The following ADIPOR1 variants were observed in gnomAD, a reference collection of about 807,000 sequenced individuals.
The protein encoded by ADIPOR1 is adiponectin receptor 1.
Under a neutral mutation model 37.5 loss-of-function variants are expected in ADIPOR1, and 15 were observed. The ratio of observed to expected loss-of-function variants is 0.40; its 90% confidence interval spans 0.27 to 0.62. The LOEUF (loss-of-function observed/expected upper bound fraction) is 0.62, where lower values mean the gene tolerates loss of function less well. Among genes scored for constraint, ADIPOR1 ranks in the 20% least tolerant of loss-of-function variants. The pLI, the probability that ADIPOR1 is intolerant of heterozygous loss-of-function variation, is 0.42. For missense variants in ADIPOR1, 286 were observed against 478.0 expected (o/e 0.60, Z 3.75); for synonymous variants, 173 against 173.2 (o/e 1.00, Z 0.01).
Position 202,948,366 on chromosome 1 carries a change from C to T in ADIPOR1, c.196G>A (p.Val66Ile). 6.2e-7 allele frequency: 1 copy of T among 1,613,950 alleles called. No homozygotes were observed. Among genetic ancestry groups the T allele is most frequent in the Non-Finnish European group, 8.5e-7 (1 of 1,179,946 alleles). ...VPQEEEEEVR[V>I]LTLPLQAHHA... ...TGGGCTTGCAGGGGAAGTGTCAGTA[C>T]CCGCACCTCCTCCTCTTCTTCCTGG... is the stretch of plus-strand genomic sequence containing the variant. Residue 66 changes from valine to isoleucine, a missense_variant, in exon 3 of 8, where the codon GTA becomes ATA. By Grantham distance (29) the Val-to-Ile change is conservative. Transcript: ENST00000340990.
chr1:202,949,811 T>C (rs1220905101), intron 2 of ADIPOR1, among the ~76,000 whole-genome samples: 1 of 152,156 alleles, frequency 6.6e-6, no homozygotes, highest in Non-Finnish European at 1.5e-5. Context: ...TTCTCTCTCT[T>C]CCTAAGTAAC....
At chr1:202,943,583 G>T (rs1230266768) in intron 6 of ADIPOR1, among the ~76,000 whole-genome samples, 175 bp downstream of exon 6, 1 of 152,186 alleles carries the variant, frequency 6.6e-6, no homozygotes, top group African/African-American at 2.4e-5. Flanking sequence ...GAAATAGTAT[G>T]ACACTGGGGG....
intron 1 of ADIPOR1, among the ~76,000 whole-genome samples, chr1:202,952,814 A>C (rs1654632321): frequency 6.6e-6 from 1 of 152,200 alleles, no homozygotes; most frequent in Admixed American, 6.5e-5. Context: ...TATGTATCCT[A>C]TTGGTGCTTT....
chr1:202,953,486 A>AAATG (rs752073538), intron 1 of ADIPOR1, among the ~76,000 whole-genome samples: 1 of 152,192 alleles, frequency 6.6e-6, no homozygotes, highest in Non-Finnish European at 1.5e-5. Context: ...ACCCATTTCA[A>AAATG]AATGAATGAA....
At position 202,951,119 on chromosome 1, in the gene ADIPOR1, G is replaced by A. The variant is rs766933859; in HGVS notation, c.-49C>T. ...CAGCTTCAGCTTGGGGAAAGGTTGG[G>A]GTCTCTCAGCCCCAGGGGGCAGAGA... On this transcript the variant is annotated 5_prime_UTR_variant, in exon 2 of 8. Coordinates refer to ENST00000340990, the MANE Select transcript of ADIPOR1 (RefSeq NM_015999.6). The A allele has an allele frequency of 2.5e-5, 41 of 1,610,610 alleles. No homozygotes were observed. Among genetic ancestry groups the A allele is most frequent in the Non-Finnish European group, 3.4e-5 (40 of 1,177,528 alleles).
rs900744113 is a variant in ADIPOR1 at position 202,943,126 on chromosome 1, C to G, written c.805+632G>C. ...CAAGTGATCCGCCTGCCTCGGCCCC[C>G]CAAAGTGCTGGGATTACAGGCGTGA... is the stretch of plus-strand genomic sequence containing the variant. On this transcript the variant is annotated intron_variant, in intron 6 of 7. Coordinates refer to ENST00000340990, the MANE Select transcript of ADIPOR1 (RefSeq NM_015999.6). 5.3e-5 allele frequency among the ~76,000 whole-genome samples: 8 copies of G among 152,294 alleles called. No homozygotes were observed. In the East Asian group the frequency reaches 9.6e-4, roughly 18 times the overall value.
At position 202,946,427 on chromosome 1, in the gene ADIPOR1, C is replaced by T. The variant is rs2275735; in HGVS notation, c.430+12G>A. The T allele has an allele frequency of 0.044, 71,129 of 1,613,514 alleles. 2,054 individuals are homozygous for T. The highest frequency in any genetic ancestry group is 0.11 in the East Asian group (5,078 of 44,832). ...ACAACAAATTCCACCTTTCCCCATC[C>T]AAATCACTCACCAAGCAGATGGGTC... On this transcript the variant is annotated intron_variant, in intron 4 of 7. Coordinates refer to ENST00000340990, the MANE Select transcript of ADIPOR1 (RefSeq NM_015999.6).
chr1:202,945,215 G>A, intron 4 of ADIPOR1, 46 bp from the exon 5 acceptor site: 2 of 1,494,526 alleles, frequency 1.3e-6, no homozygotes, highest in Non-Finnish European at 1.8e-6. Context: ...AAAAGGGAAT[G>A]TGTACACTTT....
chr1:202,947,606 A>C (rs1654387696), intron 3 of ADIPOR1, among the ~76,000 whole-genome samples: 1 of 152,158 alleles, frequency 6.6e-6, no homozygotes, highest in African/African-American at 2.4e-5. Flanking sequence ...AAAAAATTAT[A>C]AACGTTGTTT....
Position 202,951,139 on chromosome 1 carries a change from C to CTG in ADIPOR1, c.-70_-69insCA. ...GTTGGGGTCTCTCAGCCCCAGGGGG[C>CTG]AGAGATCTCCCTCTGATGGTAGACA... On this transcript the variant is annotated 5_prime_UTR_variant, in exon 2 of 8. Coordinates refer to ENST00000340990, the MANE Select transcript of ADIPOR1 (RefSeq NM_015999.6). The CTG allele has an allele frequency of 6.3e-7, 1 of 1,587,184 alleles. No individual in the cohort carries two copies. Among genetic ancestry groups the CTG allele is most frequent in the Non-Finnish European group, 8.6e-7 (1 of 1,160,098 alleles).
chr1:202,945,909 GTACAATGTACAC>G (rs1202919114), intron 4 of ADIPOR1, among the ~76,000 whole-genome samples: 1 of 151,764 alleles, frequency 6.6e-6, no homozygotes, highest in Non-Finnish European at 1.5e-5. Context: ...TACATATTGA[GTACAATGTACAC>G]TACTAAGGTG....
chr1:202,950,520 C>CT (rs1184901675), intron 2 of ADIPOR1, among the ~76,000 whole-genome samples: 2 of 152,046 alleles, frequency 1.3e-5, no homozygotes, highest in African/African-American at 4.8e-5. Flanking sequence ...ACACAGGTGC[C>CT]TGACAGTGGT....
At chr1:202,949,043 G>A (rs1357942378) in intron 2 of ADIPOR1, among the ~76,000 whole-genome samples, 6 of 151,290 alleles carry the variant, frequency 4.0e-5, no homozygotes, top group African/African-American at 7.3e-5. Flanking sequence ...CTCCTGCCTC[G>A]GCCTCCCAAA....
At chr1:202,949,591 A>AC (rs1654481534) in intron 2 of ADIPOR1, among the ~76,000 whole-genome samples, 2 of 150,726 alleles carry the variant, frequency 1.3e-5, no homozygotes, top group South Asian at 2.1e-4. Flanking sequence ...AAAAAAAAAA[A>AC]AAAAAACACA....
rs774501457 is a variant in ADIPOR1 at position 202,951,076 on chromosome 1, TG to T, written c.-7del. 1.9e-6 allele frequency: 3 copies of T among 1,614,126 alleles called. No homozygotes were observed. The Admixed American group carries it at 5.0e-5, about 27-fold the overall frequency. On this transcript the variant is annotated 5_prime_UTR_variant, in exon 2 of 8. Coordinates refer to ENST00000340990, the MANE Select transcript of ADIPOR1 (RefSeq NM_015999.6). ...GATCCTTTGTGGGAAGACATCTGGC[TG>T]GTACCTCAATACCCTGCAGCTTCAG...
intron 6 of ADIPOR1, 51 bp downstream of exon 6, chr1:202,943,707 C>T (rs1654191054): frequency 6.4e-7 from 1 of 1,563,472 alleles, no homozygotes; most frequent in South Asian, 1.2e-5. Context: ...TTGAGCCTAT[C>T]AGGCCTAAGG....
Position 202,946,488 on chromosome 1 carries a change from G to A in ADIPOR1, c.381C>T (p.Ser127=), listed in dbSNP as rs889809506. The A allele has an allele frequency of 1.5e-5, 25 of 1,613,962 alleles. No homozygotes were observed. Among genetic ancestry groups the A allele is most frequent in the Non-Finnish European group, 1.9e-5 (23 of 1,180,036 alleles). ...PMPSFRACFK[S]IFRIHTETGN... ...CAGTTTCTGTATGAATGCGGAAGAT[G>A]CTCTTGAAGCAAGCCCGAAAGGAGG... Residue 127 remains serine (S), a synonymous_variant, in exon 4 of 8, where the codon AGC becomes AGT. Transcript: ENST00000340990.
intron 2 of ADIPOR1, among the ~76,000 whole-genome samples, chr1:202,949,593 A>AAAAAAAAAAAAAAAAAAAAC (rs1332418254): frequency 2.2e-5 from 3 of 138,396 alleles, no homozygotes; most frequent in Non-Finnish European, 3.1e-5. Flanking sequence ...AAAAAAAAAA[A>AAAAAAAAAAAAAAAAAAAAC]AAAACACACC....
chr1:202,941,558 C>T lies in ADIPOR1; in HGVS notation c.*15G>A, dbSNP rs372794101. 2.8e-5 allele frequency: 44 copies of T among 1,598,416 alleles called. No homozygotes were observed. Among genetic ancestry groups the T allele is most frequent in the Non-Finnish European group, 1.8e-5 (21 of 1,175,448 alleles). On this transcript the variant is annotated 3_prime_UTR_variant, in exon 8 of 8. Coordinates refer to ENST00000340990, the MANE Select transcript of ADIPOR1 (RefSeq NM_015999.6). ...CACTTGGGAAGTTCCTCCTCCACCC[C>T]GCAGGTGGGAAGGCTCAGAGAAGGG...
Sources: allele counts gnomAD v4.1 joint callset (sites outside exome capture counted in the v4.1 genomes callset), GRCh38; gene constraint gnomAD v4.1.1; transcripts MANE v1.5; gene names NCBI Gene and HGNC (gene_info 2026-07-23, HGNC 2026-07-21).